The following DSCAM variants were observed in gnomAD, a reference collection of about 807,000 sequenced individuals.
DSCAM encodes DS cell adhesion molecule.
A neutral mutation model predicts 217.7 loss-of-function variants in DSCAM; 47 were observed. The observed-to-expected ratio is 0.22, with a 90% CI of 0.17 to 0.28. The LOEUF (loss-of-function observed/expected upper bound fraction) is 0.28. DSCAM is among the 10% of genes least tolerant of loss of function. DSCAM has a pLI of 1.00. For synonymous variants in DSCAM, 1,056 were observed against 1,015.3 expected (o/e 1.04, Z -0.76); for missense variants, 2,080 against 2,618.3 (o/e 0.79, Z 4.49).
chr21:40,317,797 T>G (rs2074215722), intron 8 of DSCAM, among the ~76,000 whole-genome samples: 1 of 152,186 alleles, frequency 6.6e-6, no homozygotes, highest in Non-Finnish European at 1.5e-5. Flanking sequence ...CCTCCCAAAG[T>G]GCTGGGATTA....
intron 3 of DSCAM, among the ~76,000 whole-genome samples, chr21:40,522,510 A>C (rs2076366976): frequency 6.6e-6 from 1 of 152,212 alleles, no homozygotes. Flanking sequence ...ATAAATAATG[A>C]CTAAATCTAG....
At chr21:40,645,688 T>C (rs2146348977) in intron 3 of DSCAM, among the ~76,000 whole-genome samples, 1 of 152,330 alleles carries the variant, frequency 6.6e-6, no homozygotes, top group East Asian at 1.9e-4. Context: ...TAAATACTCC[T>C]GTAATTCACA....
chr21:40,425,305 C>G (rs559517371), intron 3 of DSCAM, among the ~76,000 whole-genome samples: 2 of 152,108 alleles, frequency 1.3e-5, no homozygotes, highest in South Asian at 2.1e-4. Context: ...GTGGGTGGAT[C>G]ACCTGAGGTC....
intron 3 of DSCAM, among the ~76,000 whole-genome samples, chr21:40,572,090 GTGTGT>G (rs1601754364): frequency 1.4e-4 from 3 of 21,386 alleles, no homozygotes; most frequent in African/African-American, 3.7e-4. Context: ...GTGTGGGTGT[GTGTGT>G]GTGTGTGTGT....
chr21:40,473,947 C>A (rs568088785), intron 3 of DSCAM, among the ~76,000 whole-genome samples: 1 of 152,194 alleles, frequency 6.6e-6, no homozygotes, highest in Non-Finnish European at 1.5e-5. Context: ...AACCCCTGCT[C>A]AGTGGCATGT....
intron 3 of DSCAM, among the ~76,000 whole-genome samples, chr21:40,564,856 G>C (rs1029621008): frequency 6.6e-6 from 1 of 150,786 alleles, no homozygotes; most frequent in African/African-American, 2.4e-5. Flanking sequence ...GAAGCTGCTT[G>C]GCAATAAGGA....
chr21:40,430,874 A>G (rs1348435013), intron 3 of DSCAM, among the ~76,000 whole-genome samples: 1 of 152,238 alleles, frequency 6.6e-6, no homozygotes, highest in Non-Finnish European at 1.5e-5. Context: ...TGCTTCACAC[A>G]TCTTTACCGG....
intron 3 of DSCAM, among the ~76,000 whole-genome samples, chr21:40,463,046 G>A (rs1159971109): frequency 4.0e-5 from 6 of 151,824 alleles, no homozygotes; most frequent in East Asian, 1.9e-4. Context: ...CTGCTATAAG[G>A]AGTGCTAGGT....
chr21:40,378,612 G>T (rs2074989083), intron 3 of DSCAM, among the ~76,000 whole-genome samples: 1 of 96,182 alleles, frequency 1.0e-5, no homozygotes, highest in Non-Finnish European at 2.0e-5. Context: ...TTTTTTTTGA[G>T]ACGGAGTCTC....
chr21:40,574,546 C>T (rs1391439314), intron 3 of DSCAM, among the ~76,000 whole-genome samples: 1 of 152,164 alleles, frequency 6.6e-6, no homozygotes, highest in African/African-American at 2.4e-5. Flanking sequence ...AAACATTCCC[C>T]TTAGGGTTAG....
At chr21:40,189,268 C>T in intron 11 of DSCAM, 30 bp from the exon 12 acceptor site, 11 of 1,502,644 alleles carry the variant, frequency 7.3e-6, no homozygotes, top group South Asian at 1.4e-5. Context: ...ACAACTTGTT[C>T]AGCAAAGCAG....
At chr21:40,313,791 A>G (rs1220468315) in intron 8 of DSCAM, among the ~76,000 whole-genome samples, 1 of 152,148 alleles carries the variant, frequency 6.6e-6, no homozygotes, top group Non-Finnish European at 1.5e-5. Flanking sequence ...GGAAAGAAAA[A>G]GGTTTATTTG....
At chr21:40,366,740 A>C (rs1404287866) in intron 4 of DSCAM, among the ~76,000 whole-genome samples, 1 of 152,110 alleles carries the variant, frequency 6.6e-6, no homozygotes, top group Non-Finnish European at 1.5e-5. Flanking sequence ...GGATGAAATG[A>C]GTATATTTTT....
At chr21:40,370,102 T>C (rs1336304796) in intron 3 of DSCAM, among the ~76,000 whole-genome samples, 1 of 152,200 alleles carries the variant, frequency 6.6e-6, no homozygotes, top group Non-Finnish European at 1.5e-5. Flanking sequence ...AATGTTTTTT[T>C]CCCTTTGAAA....
chr21:40,582,776 G>C (rs1354827340), intron 3 of DSCAM, among the ~76,000 whole-genome samples: 1 of 152,092 alleles, frequency 6.6e-6, no homozygotes, highest in African/African-American at 2.4e-5. Context: ...CTTACTAGAA[G>C]CAAGAGTGTC....
chr21:40,514,261 T>C (rs1278419318), intron 3 of DSCAM, among the ~76,000 whole-genome samples: 1 of 152,250 alleles, frequency 6.6e-6, no homozygotes, highest in African/African-American at 2.4e-5. Flanking sequence ...TTACAATTCC[T>C]GGATCAACGT....
intron 3 of DSCAM, among the ~76,000 whole-genome samples, chr21:40,434,161 CAT>C (rs1307637734): frequency 6.6e-6 from 1 of 152,208 alleles, no homozygotes; most frequent in African/African-American, 2.4e-5. Flanking sequence ...TTTACACACA[CAT>C]GATCACGTGG....
chr21:40,331,743 G>A (rs1340359269), intron 8 of DSCAM, among the ~76,000 whole-genome samples: 5 of 152,170 alleles, frequency 3.3e-5, no homozygotes, highest in Non-Finnish European at 1.5e-5. Flanking sequence ...ATGTAAAAGC[G>A]AATGTTTCTG....
intron 3 of DSCAM, among the ~76,000 whole-genome samples, chr21:40,547,390 G>C (rs1446870792): frequency 6.6e-6 from 1 of 152,164 alleles, no homozygotes; most frequent in Non-Finnish European, 1.5e-5. Context: ...GGAGGGACGT[G>C]AAAGCTAATT....
Sources: gnomAD v4.1 joint callset for allele counts (sites outside exome capture counted in the v4.1 genomes callset) on GRCh38, gnomAD v4.1.1 for gene constraint, MANE v1.5 for transcripts, NCBI Gene and HGNC (gene_info 2026-07-23, HGNC 2026-07-21) for gene names.